The following KDM4B variants were observed in gnomAD, a reference collection of about 807,000 sequenced individuals.
The protein encoded by KDM4B is lysine demethylase 4B, also known as lysine-specific demethylase 4B.
In KDM4B, 32 loss-of-function variants were observed where a neutral mutation model predicts 125.2. That is an observed-to-expected ratio of 0.26 (90% CI 0.19 to 0.34). KDM4B has a LOEUF of 0.34. KDM4B is among the 10% of genes least tolerant of loss of function. The pLI is 1.00. For synonymous variants in KDM4B, 721 were observed against 677.9 expected, an observed-to-expected ratio of 1.06 and a Z score of -0.99; for missense variants, 1,190 against 1,577.7, an observed-to-expected ratio of 0.75 and a Z score of 4.16.
chr19:5,123,921 G>A (rs74172689), intron 11 of KDM4B, among the ~76,000 whole-genome samples: 7 of 151,944 alleles, frequency 4.6e-5, no homozygotes, highest in South Asian at 2.1e-4. Flanking sequence ...GTGGGATGTC[G>A]CTGGAGGGAC....
intron 2 of KDM4B, among the ~76,000 whole-genome samples, chr19:5,017,902 G>A (rs568190880): frequency 2.0e-4 from 31 of 151,796 alleles, no homozygotes; most frequent in Non-Finnish European, 3.2e-4. Flanking sequence ...CACCACGCCC[G>A]GCTAATTTTT....
intron 21 of KDM4B, among the ~76,000 whole-genome samples, chr19:5,148,240 C>T (rs12459342): frequency 0.051 from 7,821 of 152,312 alleles, 275 homozygotes; most frequent in Admixed American, 0.11. Flanking sequence ...CTTCAGAACT[C>T]GCCCTGTGGA....
At chr19:5,086,059 T>A (rs2038483556) in intron 9 of KDM4B, among the ~76,000 whole-genome samples, 1 of 152,126 alleles carries the variant, frequency 6.6e-6, no homozygotes, top group South Asian at 2.1e-4. Context: ...CTGTCCCATT[T>A]GCGTTTCGGG....
rs984048229 is a variant in KDM4B, at chr19:5,148,543, G to A, written c.3022-1815G>A. ...GCCTGACTGAATCACTGTGTGCCAC[G>A]CCTGCCAGAAGCCGAGAGGCCGAGT... On this transcript the variant is annotated intron_variant, in intron 21 of 22. Coordinates refer to ENST00000159111, the MANE Select transcript of KDM4B (RefSeq NM_015015.3). 2.5e-4 allele frequency among the ~76,000 whole-genome samples: 38 copies of A among 152,312 alleles called. 1 individual carries two copies. Among genetic ancestry groups the A allele is most frequent in the African/African-American group, 8.7e-4 (36 of 41,558 alleles).
chr19:4,978,382 C>G (rs1441813181), intron 1 of KDM4B, among the ~76,000 whole-genome samples: 1 of 151,688 alleles, frequency 6.6e-6, no homozygotes, highest in South Asian at 2.1e-4. Context: ...TGGCACGTGC[C>G]TGTAATCCCA....
At chr19:5,087,554 A>G (rs1442061313) in intron 9 of KDM4B, among the ~76,000 whole-genome samples, 2 of 152,152 alleles carry the variant, frequency 1.3e-5, no homozygotes, top group Non-Finnish European at 2.9e-5. Flanking sequence ...GAGGTCAGTC[A>G]TCTCTTTCTG....
In KDM4B at chr19:5,142,367, C is replaced by T. The variant is rs541281797; in HGVS notation, c.2551-1600C>T. Among the ~76,000 whole-genome samples the T allele has an allele frequency of 2.0e-5, 3 of 152,308 alleles. No individual in the cohort carries two copies. Among genetic ancestry groups the T allele is most frequent in the Admixed American group, 1.3e-4 (2 of 15,310 alleles). On this transcript the variant is annotated intron_variant, in intron 18 of 22. Coordinates refer to ENST00000159111, the MANE Select transcript of KDM4B (RefSeq NM_015015.3). This position sits in a 1 kb window ranked among gnomAD's most constrained non-coding sequence, Gnocchi z 5.4. ...GACCTCCTGTGGCCACAGCGCGTGG[C>T]GTGACTGGACCTCGCCTTAGTAGGG...
chr19:4,982,507 G>A (rs1398793496), intron 1 of KDM4B, among the ~76,000 whole-genome samples: 3 of 149,944 alleles, frequency 2.0e-5, no homozygotes, highest in African/African-American at 7.4e-5. Context: ...TATGTAAAAT[G>A]TTGTATTTCC....
intron 22 of KDM4B, among the ~76,000 whole-genome samples, chr19:5,150,850 G>A (rs964632563): frequency 1.7e-4 from 26 of 152,178 alleles, no homozygotes; most frequent in African/African-American, 6.0e-4. Flanking sequence ...CCCAGTTGTC[G>A]GCTTAAAAAA....
At position 5,131,503 on chromosome 19, in the gene KDM4B, G is replaced by A. The variant is rs2146056832; in HGVS notation, c.1743G>A (p.Gly581=). The change falls in exon 12 of 23, where the codon GGG becomes GGA. Residue 581 remains glycine (G), a synonymous_variant. Transcript: ENST00000159111. The part of the protein sequence containing the change: ...TGPEDGAASS[G]AGRMETKARA... ...CAGAGGACGGTGCAGCCAGCAGTGG[G>A]GCAGGTCGCATGGAGACCAAAGCCC... is the stretch of plus-strand genomic sequence containing the variant. 1 of 1,555,170 alleles carries A rather than the reference G, an allele frequency of 6.4e-7. No individual in the cohort carries two copies. Among genetic ancestry groups the A allele is most frequent in the Non-Finnish European group, 8.6e-7 (1 of 1,161,052 alleles).
At position 5,071,038 on chromosome 19, in the gene KDM4B, C is replaced by T. The variant is rs2037931306; in HGVS notation, c.655C>T (p.Arg219Cys). 1 of 1,613,426 alleles carries T rather than the reference C, an allele frequency of 6.2e-7. No individual in the cohort carries two copies. The highest frequency in any genetic ancestry group is 8.5e-7 in the Non-Finnish European group (1 of 1,179,944). ...CGCCATCCCACCAGAGCACGGCAAG[C>T]GCCTGGAGCGGCTGGCCATCGGTAG... Reference protein sequence around the residue: ...WYAIPPEHGKRLERLAIGFFP... With the variant: ...WYAIPPEHGKCLERLAIGFFP... Residue 219 changes from arginine to cysteine, a missense_variant, in exon 7 of 23, where the codon CGC becomes TGC. By Grantham distance (180) the Arg-to-Cys change is radical. This residue lies in a region of KDM4B where 75 missense variants were observed against 218.2 expected (regional missense o/e 0.34). Coordinates refer to ENST00000159111, the MANE Select transcript of KDM4B (RefSeq NM_015015.3).
rs537385105 is a variant in KDM4B, at chr19:5,030,770, G to A, written c.-25-2096G>A. On this transcript the variant is annotated intron_variant, in intron 2 of 22. Coordinates refer to ENST00000159111, the MANE Select transcript of KDM4B (RefSeq NM_015015.3). ...CTGTGCCTCCTCAATAAGCTCAGTC[G>A]ACCATGTCATCATCTGTGATGCACA... Among the ~76,000 whole-genome samples the A allele has an allele frequency of 5.9e-5, 9 of 152,358 alleles. No individual in the cohort carries two copies. In the South Asian group the frequency reaches 1.2e-3, roughly 21 times the overall value.
At chr19:5,011,295 T>C (rs971568015) in intron 1 of KDM4B, among the ~76,000 whole-genome samples, 2 of 152,354 alleles carry the variant, frequency 1.3e-5, no homozygotes, top group Non-Finnish European at 1.5e-5. Flanking sequence ...TCATTGCTTC[T>C]AGGTTTTCTC....
Position 5,047,539 on chromosome 19 carries a change from G to A in KDM4B, c.496G>A (p.Gly166Ser), listed in dbSNP as rs780782889. 2.5e-6 allele frequency: 4 copies of A among 1,613,844 alleles called. No individual in the cohort carries two copies. Among genetic ancestry groups the A allele is most frequent in the East Asian group, 2.2e-5 (1 of 44,860 alleles). Residue 166 changes from glycine to serine, a missense_variant, in exon 6 of 23, where the codon GGC becomes AGC. By Grantham distance (56) the Gly-to-Ser change is moderately conservative. This residue lies in a region of KDM4B where 139 missense variants were observed against 248.3 expected (regional missense o/e 0.56). Coordinates refer to ENST00000159111, the MANE Select transcript of KDM4B (RefSeq NM_015015.3). ...CCTGGACATGGTGGAGCGCGAGTGC[G>A]GCACCATCATCGAGGGCGTGAACAC... ...TILDMVEREC[G>S]TIIEGVNTPY...
chr19:5,068,077 A>G (rs1179431970), intron 6 of KDM4B, among the ~76,000 whole-genome samples: 1 of 151,080 alleles, frequency 6.6e-6, no homozygotes, highest in Non-Finnish European at 1.5e-5. Context: ...TTCCAAACCA[A>G]ATAGCTGCTT....
rs1046882882 is a variant in KDM4B at position 5,039,739 on chromosome 19, G to C, written c.142-97G>C. The C allele has an allele frequency of 2.2e-6, 3 of 1,381,628 alleles. No homozygotes were observed. The African/African-American group carries it at 4.3e-5, about 20-fold the overall frequency. The allele number at this position is 1,381,628 out of a possible 1,614,324, so 85.6% of individuals were successfully genotyped here. A position where few individuals can be genotyped will look rare whatever the true frequency, so the allele number is the denominator to read the frequency against. ...GGGGTGTCCCGAGGTGCAGATCTTG[G>C]GGGGTGCTGGTCTCTGGGGAGCCGG... On this transcript the variant is annotated intron_variant, in intron 3 of 22. Coordinates refer to ENST00000159111, the MANE Select transcript of KDM4B (RefSeq NM_015015.3).
At chr19:5,094,528 G>T (rs956368575) in intron 9 of KDM4B, among the ~76,000 whole-genome samples, 23 of 152,268 alleles carry the variant, frequency 1.5e-4, no homozygotes, top group Admixed American at 9.8e-4. Context: ...GTGGATGGCC[G>T]CCGTCTAGAC....
intron 1 of KDM4B, among the ~76,000 whole-genome samples, chr19:4,991,667 C>A (rs183011579): frequency 4.3e-4 from 66 of 152,212 alleles, no homozygotes; most frequent in Admixed American, 7.9e-4. Flanking sequence ...AGAGTCTTTG[C>A]GACATTCTGT....
intron 5 of KDM4B, among the ~76,000 whole-genome samples, chr19:5,043,880 C>T (rs1348966326): frequency 1.1e-5 from 1 of 89,674 alleles, no homozygotes; most frequent in Non-Finnish European, 2.2e-5. Flanking sequence ...TTATCCCGTG[C>T]TGTGTTTATC....
Sources: gnomAD v4.1 joint callset for allele counts (sites outside exome capture counted in the v4.1 genomes callset) on GRCh38, gnomAD v4.1.1 for gene constraint, gnomAD v4.1.1 regional missense constraint, Gnocchi (gnomAD v3.1) non-coding constraint, MANE v1.5 for transcripts, NCBI Gene and HGNC (gene_info 2026-07-23, HGNC 2026-07-21) for gene names.